Variants in HMCN1 observed in about 807,000 individuals in gnomAD.
HMCN1 encodes the protein hemicentin-1.
In HMCN1, 321 loss-of-function variants were observed where a neutral mutation model predicts 625.9. The ratio of observed to expected loss-of-function variants is 0.51; its 90% CI spans 0.47 to 0.56. The LOEUF (loss-of-function observed/expected upper bound fraction) is 0.56. HMCN1 is among the 20% of genes least tolerant of loss of function. HMCN1 has a pLI of 0.00. For synonymous variants in HMCN1, 2,425 were observed against 2,417.6 expected, an observed-to-expected ratio of 1.00 and a Z score of -0.09; for missense variants, 6,588 against 6,887.3, an observed-to-expected ratio of 0.96 and a Z score of 1.54.
chr1:186,077,332 T>C (rs1360779957), intron 54 of HMCN1, among the ~76,000 whole-genome samples: 1 of 152,196 alleles, frequency 6.6e-6, no homozygotes, highest in East Asian at 1.9e-4. Flanking sequence ...AAAAACATTA[T>C]TGCAACAATA....
chr1:185,987,684 A>G lies in HMCN1; in HGVS notation c.3048+140A>G, dbSNP rs972688060. 4.1e-6 allele frequency: 3 copies of G among 726,038 alleles called. No individual in the cohort carries two copies. The African/African-American group carries it at 5.2e-5, about 12-fold the overall frequency. The allele number at this position is 726,038 out of a possible 1,614,324, so 45.0% of individuals were successfully genotyped here. A position where few individuals can be genotyped will look rare whatever the true frequency, so the allele number is the denominator to read the frequency against. ...AATAAAGGATTTCCTATGTGGCTGG[A>G]CAGATGTGCTAGGAACCCTCCAAGA... On this transcript the variant is annotated intron_variant, in intron 20 of 106. Coordinates refer to ENST00000271588, the MANE Select transcript of HMCN1 (RefSeq NM_031935.3).
At chr1:185,949,747 A>G (rs916580966) in intron 11 of HMCN1, among the ~76,000 whole-genome samples, 5 of 151,934 alleles carry the variant, frequency 3.3e-5, no homozygotes, top group Non-Finnish European at 7.4e-5. Context: ...CAGTGAAAGT[A>G]TCTGCCTAGA....
chr1:186,082,794 T>C (rs1165820572), intron 56 of HMCN1, 71 bp from the exon 57 acceptor site: 1 of 795,068 alleles, frequency 1.3e-6, no homozygotes, highest in African/African-American at 1.8e-5. Flanking sequence ...TTATTTATTC[T>C]AAAAAATAGA....
At chr1:186,152,181 A>C (rs190595313) in intron 95 of HMCN1, among the ~76,000 whole-genome samples, 2 of 152,322 alleles carry the variant, frequency 1.3e-5, no homozygotes, top group Admixed American at 1.3e-4. Context: ...CCCTAGTCTT[A>C]AGGAGTATGG....
chr1:185,870,652 T>A (rs1205533653), intron 4 of HMCN1, among the ~76,000 whole-genome samples: 2 of 152,196 alleles, frequency 1.3e-5, no homozygotes, highest in African/African-American at 4.8e-5. Flanking sequence ...AATAAGCACA[T>A]TATGGACAGT....
chr1:185,965,554 G>A (rs189246622), intron 13 of HMCN1, among the ~76,000 whole-genome samples: 5 of 151,724 alleles, frequency 3.3e-5, no homozygotes, highest in African/African-American at 1.2e-4. Flanking sequence ...AAATTTTTTG[G>A]AGTTTATGAT....
In HMCN1 at chr1:186,130,510, C is replaced by A. The variant is rs1030527137; in HGVS notation, c.13043C>A (p.Pro4348His). 4 of 1,612,750 alleles carry A rather than the reference C, an allele frequency of 2.5e-6. No individual in the cohort carries two copies. The highest frequency in any genetic ancestry group is 3.4e-6 in the Non-Finnish European group (4 of 1,179,076). The change falls in exon 85 of 107, where the codon CCT (proline) becomes CAT (histidine). Residue 4348 changes from proline to histidine, a missense_variant. Coordinates refer to ENST00000271588, the MANE Select transcript of HMCN1 (RefSeq NM_031935.3). ...KAIGFVYVKE[P>H]PVFKGDYPSN... ...CCTGTCTTATGTTGTTTTCCAGAAC[C>A]TCCAGTCTTCAAAGGTGATTATCCT... is the stretch of plus-strand genomic sequence containing the variant.
intron 52 of HMCN1, among the ~76,000 whole-genome samples, chr1:186,073,354 A>G (rs1437676878): frequency 6.6e-6 from 1 of 152,196 alleles, no homozygotes; most frequent in Non-Finnish European, 1.5e-5. Flanking sequence ...CATATCAAGA[A>G]ATGATGGAAG....
chr1:186,186,995 C>CTG lies in HMCN1; in HGVS notation c.16415-888_16415-887insTG, dbSNP rs1653360223. ...AATCTCACATTCTCTGTCTCTGTCT[C>CTG]ACACACACACACACACACACACACA... On this transcript the variant is annotated intron_variant, in intron 105 of 106. Transcript: ENST00000271588. Among the ~76,000 whole-genome samples the CTG allele has an allele frequency of 1.5e-4, 3 of 19,576 alleles. No homozygotes were observed. In the South Asian group the frequency reaches 4.6e-3, roughly 30 times the overall value. The allele number at this position is 19,576 out of a possible 152,430, so 12.8% of individuals were successfully genotyped here.
chr1:186,034,535 A>G (rs932262437), intron 36 of HMCN1, among the ~76,000 whole-genome samples: 1 of 152,280 alleles, frequency 6.6e-6, no homozygotes, highest in South Asian at 2.1e-4. Context: ...TTTCATGGAA[A>G]GGCCAGACAG....
intron 4 of HMCN1, among the ~76,000 whole-genome samples, chr1:185,907,685 A>C (rs1666173184): frequency 6.6e-6 from 1 of 151,944 alleles, no homozygotes; most frequent in Admixed American, 6.6e-5. Context: ...CTGTGAAGCC[A>C]TTGCTGAAAC....
intron 11 of HMCN1, among the ~76,000 whole-genome samples, chr1:185,952,975 G>A (rs1054628187): frequency 1.3e-5 from 2 of 151,170 alleles, no homozygotes; most frequent in Non-Finnish European, 2.9e-5. Flanking sequence ...TAAGGGATTG[G>A]GGCACAGGGA....
chr1:186,145,451 C>A lies in HMCN1; in HGVS notation c.14315C>A (p.Thr4772Lys). ...AGTGGCTGGGGAACATGCAGCCGGA[C>A]GTGTAACGGAGGGCAGATGCGGCGG... ...PWSGWGTCSR[T>K]CNGGQMRRYR... The change falls in exon 92 of 107, where the codon ACG becomes AAG. Residue 4772 changes from threonine (T) to lysine (K), a missense_variant. Thr to Lys is a moderately conservative substitution (Grantham distance 78). This residue lies in a region of HMCN1 where 1,954 missense variants were observed against 2,013.1 expected (regional missense o/e 0.97). Transcript: ENST00000271588. The A allele has an allele frequency of 6.2e-7, 1 of 1,603,798 alleles. No homozygotes were observed. The highest frequency in any genetic ancestry group is 8.5e-7 in the Non-Finnish European group (1 of 1,173,758).
chr1:186,011,802 A>G (rs1301914656), intron 30 of HMCN1, among the ~76,000 whole-genome samples: 2 of 152,204 alleles, frequency 1.3e-5, no homozygotes, highest in Admixed American at 6.5e-5. Context: ...GCATACATGT[A>G]CTTTTTTGGT....
At chr1:186,062,259 G>T (rs1050219496) in intron 47 of HMCN1, among the ~76,000 whole-genome samples, 13 of 152,056 alleles carry the variant, frequency 8.5e-5, no homozygotes, top group African/African-American at 2.9e-4. Context: ...TCAAATAAAT[G>T]TTCTTGGTGA....
At chr1:185,776,477 T>TGTGTGTG (rs1656621583) in intron 1 of HMCN1, among the ~76,000 whole-genome samples, 1 of 147,556 alleles carries the variant, frequency 6.8e-6, no homozygotes, top group African/African-American at 2.5e-5. Context: ...TGTGTGTGTG[T>TGTGTGTG]TCAGTCTTTA....
chr1:185,776,751 T>A (rs906517868), intron 1 of HMCN1, among the ~76,000 whole-genome samples: 1 of 152,178 alleles, frequency 6.6e-6, no homozygotes, highest in Admixed American at 6.5e-5. Context: ...TAAAAATGCA[T>A]AATATGAATG....
chr1:185,776,768 A>G (rs1286861353), intron 1 of HMCN1, among the ~76,000 whole-genome samples: 2 of 152,188 alleles, frequency 1.3e-5, no homozygotes, highest in Non-Finnish European at 2.9e-5. Context: ...AATGGCATGT[A>G]TGTTTCCCTA....
At chr1:186,131,292 T>C (rs1445374797) in intron 85 of HMCN1, among the ~76,000 whole-genome samples, 4 of 151,898 alleles carry the variant, frequency 2.6e-5, no homozygotes, top group South Asian at 2.1e-4. Context: ...TTTAGTCTCA[T>C]TGATTTTACT....
Sources: gnomAD v4.1 joint callset for allele counts (sites outside exome capture counted in the v4.1 genomes callset) on GRCh38, gnomAD v4.1.1 for gene constraint, gnomAD v4.1.1 regional missense constraint, MANE v1.5 for transcripts, NCBI Gene and HGNC (gene_info 2026-07-23, HGNC 2026-07-21) for gene names.